CCDC38: variants seen among roughly 807,000 people sequenced by gnomAD.
CCDC38 encodes coiled-coil domain-containing protein 38.
CCDC38 carries 69 observed loss-of-function variants against 72.8 expected under a neutral mutation model. That is an observed-to-expected ratio of 0.95 (90% confidence interval 0.78 to 1.16). The LOEUF (loss-of-function observed/expected upper bound fraction) is 1.16. Among genes scored for constraint, CCDC38 ranks in the 50% most tolerant of loss-of-function variants. The pLI is 0.00. For synonymous variants in CCDC38, 201 were observed against 213.2 expected, an observed-to-expected ratio of 0.94 and a Z score of 0.50; for missense variants, 626 against 638.9, an observed-to-expected ratio of 0.98 and a Z score of 0.22.
intron 14 of CCDC38, 79 bp from the exon 15 acceptor site, chr12:95,869,652 G>A: frequency 1.9e-6 from 2 of 1,050,380 alleles, no homozygotes; most frequent in Non-Finnish European, 2.9e-6. Flanking sequence ...TTGTTAATGA[G>A]CCATGTGACT....
In CCDC38 at chr12:95,880,608, G is replaced by A. The variant is rs547614673; in HGVS notation, c.991-813C>T. ...GCGGAGGTTTCAGTGAGCTGAGATC[G>A]TGCCACTGCACTTCAGCCTGGGCAA... is the stretch of plus-strand genomic sequence containing the variant. On this transcript the variant is annotated intron_variant, in intron 11 of 15. Transcript: ENST00000344280. Among the ~76,000 whole-genome samples, 97 of 151,438 alleles carry A rather than the reference G, an allele frequency of 6.4e-4. 3 individuals are homozygous for A. The highest frequency in any genetic ancestry group is 5.0e-4 in the Non-Finnish European group (34 of 67,938).
chr12:95,894,616 T>C (rs1291278931), intron 8 of CCDC38, among the ~76,000 whole-genome samples: 2 of 152,168 alleles, frequency 1.3e-5, no homozygotes, highest in African/African-American at 4.8e-5. Context: ...CCGTTGCTTC[T>C]CCTTGCACCA....
At chr12:95,938,468 A>G (rs2136748373) in intron 1 of CCDC38, among the ~76,000 whole-genome samples, 1 of 152,276 alleles carries the variant, frequency 6.6e-6, no homozygotes, top group Non-Finnish European at 1.5e-5. Flanking sequence ...TCTTTTTGCA[A>G]TGAGCATCTT....
rs145404702 is a variant in CCDC38, at chr12:95,874,130, TATAAA to T, written c.1279-1675_1279-1671del. Among the ~76,000 whole-genome samples the T allele has an allele frequency of 1.6e-3, 246 of 152,180 alleles. 1 individual carries two copies. Among genetic ancestry groups the T allele is most frequent in the African/African-American group, 5.5e-3 (227 of 41,526 alleles). Reference sequence around the variant, plus strand: ...TCTAAACCTTGGAGACACAGAAAAATATAAAAGAAAATAAAAGTAACCCATCGGAT... The same window carrying T: ...TCTAAACCTTGGAGACACAGAAAAATAGAAAATAAAAGTAACCCATCGGAT... On this transcript the variant is annotated intron_variant, in intron 13 of 15. Coordinates refer to ENST00000344280, the MANE Select transcript of CCDC38 (RefSeq NM_182496.3).
intron 2 of CCDC38, among the ~76,000 whole-genome samples, chr12:95,920,008 A>C (rs1202300703): frequency 6.6e-6 from 1 of 152,222 alleles, no homozygotes; most frequent in African/African-American, 2.4e-5. Context: ...AAATGAAAGC[A>C]TAGGGGCTCA....
At chr12:95,939,192 G>C (rs1565972883) in intron 1 of CCDC38, among the ~76,000 whole-genome samples, 3 of 152,190 alleles carry the variant, frequency 2.0e-5, no homozygotes, top group Admixed American at 6.5e-5. Context: ...AGCACATGGA[G>C]AGGTGCACTC....
intron 1 of CCDC38, among the ~76,000 whole-genome samples, chr12:95,937,232 C>G (rs1168365149): frequency 6.6e-6 from 1 of 152,000 alleles, no homozygotes; most frequent in Non-Finnish European, 1.5e-5. Flanking sequence ...CTTGTGTGAC[C>G]CTGAGAGCCA....
chr12:95,874,895 C>T (rs2079619647), intron 13 of CCDC38, among the ~76,000 whole-genome samples: 1 of 152,172 alleles, frequency 6.6e-6, no homozygotes, highest in South Asian at 2.1e-4. Context: ...TTCTGTCATT[C>T]TAATCCATGT....
chr12:95,872,549 A>C, intron 13 of CCDC38, 89 bp from the exon 14 acceptor site: 1 of 797,868 alleles, frequency 1.3e-6, no homozygotes, highest in East Asian at 2.6e-5. Flanking sequence ...AATCCCATGT[A>C]TATGCTATTA....
chr12:95,920,305 A>G (rs964920183), intron 2 of CCDC38, among the ~76,000 whole-genome samples: 3 of 152,174 alleles, frequency 2.0e-5, no homozygotes, highest in African/African-American at 7.2e-5. Flanking sequence ...CTGCCACCAT[A>G]TAAGACGTGA....
chr12:95,915,236 A>G (rs1034669728), intron 4 of CCDC38, among the ~76,000 whole-genome samples: 12 of 152,214 alleles, frequency 7.9e-5, no homozygotes, highest in Non-Finnish European at 4.4e-5. Flanking sequence ...TTGAACCAAG[A>G]GGCCATGAAT....
upstream of CCDC38, chr12:95,943,218 A>G (rs2080472330): frequency 3.2e-6 from 2 of 622,904 alleles, no homozygotes; most frequent in African/African-American, 2.0e-5. Context: ...CATTCTTGCA[A>G]TGATTACCGC....
At chr12:95,882,375 A>G (rs2079710574) in intron 10 of CCDC38, among the ~76,000 whole-genome samples, 1 of 152,210 alleles carries the variant, frequency 6.6e-6, no homozygotes, top group Non-Finnish European at 1.5e-5. Flanking sequence ...GATGACTCCA[A>G]CATTTGTGGT....
intron 5 of CCDC38, among the ~76,000 whole-genome samples, chr12:95,899,000 G>C (rs1009027670): frequency 6.6e-6 from 1 of 152,182 alleles, no homozygotes; most frequent in Non-Finnish European, 1.5e-5. Context: ...TTCCTCCAAA[G>C]AGCAGGTGCA....
chr12:95,911,585 T>C (rs2080094858), intron 4 of CCDC38, among the ~76,000 whole-genome samples: 1 of 152,026 alleles, frequency 6.6e-6, no homozygotes, highest in Non-Finnish European at 1.5e-5. Context: ...AAAGAAGGCA[T>C]ACAAGTGACA....
intron 10 of CCDC38, chr12:95,885,920 C>T (rs1401443967): frequency 6.6e-6 from 1 of 152,134 alleles, no homozygotes; most frequent in African/African-American, 2.4e-5. Flanking sequence ...AGTATGTTAC[C>T]AGTTTCACTA....
rs183218392 is a variant in CCDC38 at position 95,938,471 on chromosome 12, A to G, written c.-14-1948T>C. Among the ~76,000 whole-genome samples, 319 of 152,270 alleles carry G rather than the reference A, an allele frequency of 2.1e-3. 1 individual carries two copies. Among genetic ancestry groups the G allele is most frequent in the Admixed American group, 3.7e-3 (56 of 15,292 alleles). Reference sequence around the variant, plus strand: ...TTATCCTTAAAGTCTTTTTGCAATGAGCATCTTTATCCATGGGTTCAAGGA... The same window carrying G: ...TTATCCTTAAAGTCTTTTTGCAATGGGCATCTTTATCCATGGGTTCAAGGA... On this transcript the variant is annotated intron_variant, in intron 1 of 15. Coordinates refer to ENST00000344280, the MANE Select transcript of CCDC38 (RefSeq NM_182496.3).
rs1461719555 is a variant in CCDC38, at chr12:95,894,987, A to C, written c.772+2T>G. ...CATGAAAGTTGAGTATAAGTAACTT[A>C]CTTGCTAATATTTTTGGAAGGATGA... On this transcript the variant is annotated splice_donor_variant, in intron 8 of 15. Coordinates refer to ENST00000344280, the MANE Select transcript of CCDC38 (RefSeq NM_182496.3). LOFTEE classifies it high-confidence loss of function. 6.2e-7 allele frequency: 1 copy of C among 1,603,968 alleles called. No individual in the cohort carries two copies. Among genetic ancestry groups the C allele is most frequent in the Non-Finnish European group, 8.5e-7 (1 of 1,176,120 alleles).
At chr12:95,908,335 G>A (rs1279387242) in intron 4 of CCDC38, among the ~76,000 whole-genome samples, 5 of 149,762 alleles carry the variant, frequency 3.3e-5, no homozygotes, top group Admixed American at 2.0e-4. Flanking sequence ...GGCGGCGCGC[G>A]CCTGCAATCG....
Sources: gnomAD v4.1 joint callset for allele counts (sites outside exome capture counted in the v4.1 genomes callset) on GRCh38, gnomAD v4.1.1 for gene constraint, MANE v1.5 for transcripts, NCBI Gene and HGNC (gene_info 2026-07-23, HGNC 2026-07-21) for gene names.